Variants in PPP1R12B observed in about 807,000 individuals in gnomAD.
PPP1R12B encodes myosin phosphatase target subunit 2.
PPP1R12B carries 76 observed loss-of-function variants against 126.1 expected under a neutral mutation model. The ratio of observed to expected loss-of-function variants is 0.60; its 90% CI spans 0.50 to 0.73. The LOEUF is 0.73. Ranked by LOEUF, PPP1R12B falls within the 30% of genes least tolerant of loss-of-function variation. The probability of loss-of-function intolerance (pLI) is 0.00; values close to 1 mark genes in which losing one functional copy is unlikely to be tolerated. For synonymous variants in PPP1R12B, 356 were observed against 434.7 expected, an observed-to-expected ratio of 0.82 and a Z score of 2.25; for missense variants, 1,052 against 1,205.1, an observed-to-expected ratio of 0.87 and a Z score of 1.88.
intron 18 of PPP1R12B, among the ~76,000 whole-genome samples, chr1:202,549,898 C>T (rs1686138618): frequency 6.6e-6 from 1 of 152,156 alleles, no homozygotes; most frequent in Non-Finnish European, 1.5e-5. Flanking sequence ...ATGAATGCTG[C>T]TGCCTGAGAT....
intron 18 of PPP1R12B, among the ~76,000 whole-genome samples, chr1:202,503,334 G>A (rs903588279): frequency 1.3e-5 from 2 of 152,204 alleles, no homozygotes; most frequent in Non-Finnish European, 2.9e-5. Context: ...TTGAGATGGA[G>A]AATACTACAG....
At position 202,569,169 on chromosome 1, in the gene PPP1R12B, A is replaced by G. The variant is rs763873140; in HGVS notation, c.2834A>G (p.Lys945Arg). The G allele has an allele frequency of 1.2e-6, 2 of 1,613,682 alleles. No individual in the cohort carries two copies. Among genetic ancestry groups the G allele is most frequent in the Non-Finnish European group, 1.7e-6 (2 of 1,179,626 alleles). The change falls in exon 23 of 24, where the codon AAA becomes AGA. Residue 945 changes from lysine (K) to arginine (R), a missense_variant. Transcript: ENST00000608999. ...CAGGAGAGGCGAGCCTTGGAGCGCA[A>G]AATGTCAGAAATGGAGGAAGAAATG... is the stretch of plus-strand genomic sequence containing the variant. ...EKRERRALER[K>R]MSEMEEEMKV... is the part of the protein sequence containing the mutation.
intron 1 of PPP1R12B, among the ~76,000 whole-genome samples, chr1:202,382,738 T>C (rs1182751710): frequency 6.6e-6 from 1 of 151,790 alleles, no homozygotes; most frequent in Non-Finnish European, 1.5e-5. Context: ...TTAGCCAGGC[T>C]GGTGGCATGC....
In PPP1R12B at chr1:202,547,977, G is replaced by A. The variant is rs546314057; in HGVS notation, c.2491-10900G>A. ...AAAATTTATTGAACATTTACTCTTTGTCAGTGCTGTACCAAGCACTTACAT... is the reference window on the plus strand; with the variant it reads ...AAAATTTATTGAACATTTACTCTTTATCAGTGCTGTACCAAGCACTTACAT... On this transcript the variant is annotated intron_variant, in intron 18 of 23. Coordinates refer to ENST00000608999, the MANE Select transcript of PPP1R12B (RefSeq NM_002481.4). Among the ~76,000 whole-genome samples the A allele has an allele frequency of 2.6e-5, 4 of 152,340 alleles. No homozygotes were observed. In the East Asian group the frequency reaches 5.8e-4, roughly 22 times the overall value.
chr1:202,446,236 C>CTATA (rs1290788219), intron 12 of PPP1R12B, among the ~76,000 whole-genome samples: 2 of 88,056 alleles, frequency 2.3e-5, no homozygotes, highest in Non-Finnish European at 4.3e-5. Flanking sequence ...CTCTCTCTCT[C>CTATA]TATATATATA....
chr1:202,402,553 T>G (rs1437644326), intron 1 of PPP1R12B, among the ~76,000 whole-genome samples: 1 of 152,220 alleles, frequency 6.6e-6, no homozygotes, highest in Non-Finnish European at 1.5e-5. Flanking sequence ...CAATAGTGAA[T>G]TTATATTATC....
At chr1:202,537,762 A>T (rs913435230) in intron 18 of PPP1R12B, among the ~76,000 whole-genome samples, 20 of 152,110 alleles carry the variant, frequency 1.3e-4, no homozygotes, top group African/African-American at 4.8e-4. Flanking sequence ...AATAATGTAA[A>T]CCGGTGACTT....
intron 19 of PPP1R12B, among the ~76,000 whole-genome samples, chr1:202,560,205 T>C (rs1427723125): frequency 1.3e-5 from 2 of 152,086 alleles, no homozygotes; most frequent in Non-Finnish European, 2.9e-5. Flanking sequence ...GAAGAGAATA[T>C]TTTATAATCT....
chr1:202,365,637 G>C (rs1348793778), intron 1 of PPP1R12B, among the ~76,000 whole-genome samples: 4 of 152,098 alleles, frequency 2.6e-5, no homozygotes, highest in African/African-American at 9.7e-5. Flanking sequence ...ATTCACATCT[G>C]TCTGACTCAG....
chr1:202,466,291 T>C (rs1674974151), intron 13 of PPP1R12B, among the ~76,000 whole-genome samples: 1 of 152,146 alleles, frequency 6.6e-6, no homozygotes, highest in Non-Finnish European at 1.5e-5. Context: ...ACTTCCTAAT[T>C]ACTAAATTCC....
intron 20 of PPP1R12B, among the ~76,000 whole-genome samples, chr1:202,563,317 A>G (rs1024110817): frequency 6.6e-6 from 1 of 152,068 alleles, no homozygotes; most frequent in Non-Finnish European, 1.5e-5. Flanking sequence ...GGATCTCACT[A>G]TATTGCCCAG....
intron 8 of PPP1R12B, among the ~76,000 whole-genome samples, chr1:202,432,989 C>T (rs554288111): frequency 6.0e-4 from 91 of 152,308 alleles, no homozygotes; most frequent in African/African-American, 2.0e-3. Context: ...CTGAGGCTCA[C>T]TGAATGTCAG....
At chr1:202,442,613 T>C in intron 12 of PPP1R12B, 41 bp downstream of exon 12, 1 of 1,564,786 alleles carries the variant, frequency 6.4e-7, no homozygotes, top group South Asian at 1.2e-5. Context: ...TCTTTCACTC[T>C]AGCCATGGGA....
chr1:202,542,168 C>T (rs1397931602), intron 18 of PPP1R12B, among the ~76,000 whole-genome samples: 1 of 152,186 alleles, frequency 6.6e-6, no homozygotes, highest in Non-Finnish European at 1.5e-5. Context: ...TAAGATCTCC[C>T]TAGCCTAGTT....
chr1:202,404,750 C>A (rs1351153990), intron 1 of PPP1R12B, among the ~76,000 whole-genome samples: 1 of 152,172 alleles, frequency 6.6e-6, no homozygotes, highest in Non-Finnish European at 1.5e-5. Flanking sequence ...ATCCGCCCAC[C>A]TTGGCCTCCC....
At chr1:202,428,801 A>C in intron 5 of PPP1R12B, 54 bp from the exon 6 acceptor site, 1 of 1,524,270 alleles carries the variant, frequency 6.6e-7, no homozygotes, top group Non-Finnish European at 9.0e-7. Context: ...TAATAAAGTC[A>C]CGTAATTGCT....
At chr1:202,544,928 A>T (rs1288684853) in intron 18 of PPP1R12B, among the ~76,000 whole-genome samples, 1 of 152,244 alleles carries the variant, frequency 6.6e-6, no homozygotes, top group East Asian at 1.9e-4. Context: ...GGCCAGAGGC[A>T]TTCTGCCTCT....
At chr1:202,438,118 T>C in intron 10 of PPP1R12B, 94 bp downstream of exon 10, 1 of 1,582,694 alleles carries the variant, frequency 6.3e-7, no homozygotes, top group Admixed American at 1.9e-5. Context: ...TTTCTAGTCC[T>C]TAAGTTGATT....
chr1:202,548,391 C>T (rs1297580170), intron 18 of PPP1R12B, among the ~76,000 whole-genome samples: 3 of 152,048 alleles, frequency 2.0e-5, no homozygotes, highest in Non-Finnish European at 4.4e-5. Context: ...GACAGGATCT[C>T]GCTCTGTCAC....
Sources: gnomAD v4.1 joint callset for allele counts (sites outside exome capture counted in the v4.1 genomes callset) on GRCh38, gnomAD v4.1.1 for gene constraint, MANE v1.5 for transcripts, NCBI Gene and HGNC (gene_info 2026-07-23, HGNC 2026-07-21) for gene names.